Variants in APBA1 observed in about 807,000 individuals in gnomAD.
APBA1 encodes amyloid beta precursor protein binding family A member 1.
A neutral mutation model predicts 86.6 loss-of-function variants in APBA1; 55 were observed. The observed-to-expected ratio is 0.64, with a 90% CI of 0.51 to 0.80. The LOEUF (loss-of-function observed/expected upper bound fraction) is 0.80. Among genes scored for constraint, APBA1 ranks in the 30% least tolerant of loss-of-function variants. The pLI, the probability that APBA1 is intolerant of heterozygous loss-of-function variation, is 0.00. For synonymous variants in APBA1, 511 were observed against 493.9 expected, an observed-to-expected ratio of 1.03 and a Z score of -0.46; for missense variants, 1,090 against 1,183.0, an observed-to-expected ratio of 0.92 and a Z score of 1.15.
rs1323972749 is a variant in APBA1, at chr9:69,430,595, TTATC to T, written c.*728_*731del. On this transcript the variant is annotated 3_prime_UTR_variant, in exon 13 of 13. Transcript: ENST00000265381. ...AGAAGCAGACAGTACCTGCCTGTGT[TTATC>T]TAATGGTTGATAACTTGAGGACAAC... The T allele has an allele frequency of 6.6e-6, 1 of 152,184 alleles. No homozygotes were observed. The highest frequency in any genetic ancestry group is 1.5e-5 in the Non-Finnish European group (1 of 68,098). The allele number at this position is 152,184 out of a possible 1,614,324, so 9.4% of individuals were successfully genotyped here.
At chr9:69,523,846 T>C (rs1238987244) in intron 1 of APBA1, among the ~76,000 whole-genome samples, 2 of 151,934 alleles carry the variant, frequency 1.3e-5, no homozygotes, top group Non-Finnish European at 2.9e-5. Context: ...CAAGTCTCCA[T>C]GAATTCAAAA....
At chr9:69,608,674 C>G (rs1822523652) in intron 1 of APBA1, among the ~76,000 whole-genome samples, 1 of 152,154 alleles carries the variant, frequency 6.6e-6, no homozygotes, top group Non-Finnish European at 1.5e-5. Context: ...CCCCTTCTCC[C>G]TCGAAGTGGT....
chr9:69,615,793 A>C (rs758192835), intron 1 of APBA1, among the ~76,000 whole-genome samples: 10 of 152,234 alleles, frequency 6.6e-5, no homozygotes, highest in Non-Finnish European at 1.5e-4. Context: ...TATTAAAAAC[A>C]GAAGCTGCTC....
intron 1 of APBA1, among the ~76,000 whole-genome samples, chr9:69,586,718 T>C (rs1422279868): frequency 6.6e-6 from 1 of 152,172 alleles, no homozygotes; most frequent in Non-Finnish European, 1.5e-5. Context: ...TTCCAGATCA[T>C]CCTCTCCTTG....
intron 2 of APBA1, among the ~76,000 whole-genome samples, chr9:69,491,034 G>A (rs1835700995): frequency 6.6e-6 from 1 of 152,106 alleles, no homozygotes; most frequent in African/African-American, 2.4e-5. Context: ...AACCATTGTG[G>A]AAGTCAGTGT....
chr9:69,431,283 C>G lies in APBA1; in HGVS notation c.*44G>C. ...GGATGCAGCACGAGAAACACAACCA[C>G]GAAGAGGAGAGTCCTCCATGCATGC... On this transcript the variant is annotated 3_prime_UTR_variant, in exon 13 of 13. Coordinates refer to ENST00000265381, the MANE Select transcript of APBA1 (RefSeq NM_001163.4). The G allele has an allele frequency of 6.7e-7, 1 of 1,493,330 alleles. No individual in the cohort carries two copies. Among genetic ancestry groups the G allele is most frequent in the South Asian group, 1.3e-5 (1 of 77,188 alleles). The allele number at this position is 1,493,330 out of a possible 1,614,324, so 92.5% of individuals were successfully genotyped here.
rs182212125 is a variant in APBA1, at chr9:69,611,997, G to T, written c.-70+60156C>A. Reference sequence around the variant, plus strand: ...TTCAGAATTGTTGGCATCCACTTTTGTCTGGTTTTGCTAATCAGATGGGAT... The same window carrying T: ...TTCAGAATTGTTGGCATCCACTTTTTTCTGGTTTTGCTAATCAGATGGGAT... On this transcript the variant is annotated intron_variant, in intron 1 of 12. Coordinates refer to ENST00000265381, the MANE Select transcript of APBA1 (RefSeq NM_001163.4). Among the ~76,000 whole-genome samples the T allele has an allele frequency of 9.9e-5, 15 of 152,176 alleles. No homozygotes were observed. In the East Asian group the frequency reaches 2.7e-3, roughly 27 times the overall value.
intron 1 of APBA1, among the ~76,000 whole-genome samples, chr9:69,543,718 G>C (rs902670731): frequency 2.0e-5 from 3 of 152,082 alleles, no homozygotes; most frequent in Non-Finnish European, 4.4e-5. Flanking sequence ...ACTTTCCCAG[G>C]GTCACAAAGC....
At chr9:69,442,579 C>T (rs750369253) in intron 10 of APBA1, among the ~76,000 whole-genome samples, 4 of 152,178 alleles carry the variant, frequency 2.6e-5, no homozygotes, top group Admixed American at 1.3e-4. Flanking sequence ...CCCACAGTAT[C>T]GCTCAGAGAC....
chr9:69,549,781 T>C (rs1187338900), intron 1 of APBA1, among the ~76,000 whole-genome samples: 2 of 152,194 alleles, frequency 1.3e-5, no homozygotes, highest in Non-Finnish European at 2.9e-5. Flanking sequence ...TACTTTGAGG[T>C]GGATAGAAAC....
intron 2 of APBA1, among the ~76,000 whole-genome samples, chr9:69,498,875 A>AT (rs1254907866): frequency 1.3e-5 from 2 of 152,140 alleles, no homozygotes; most frequent in African/African-American, 2.4e-5. Context: ...AGAAACAGCT[A>AT]TGACAGCTCA....
intron 10 of APBA1, among the ~76,000 whole-genome samples, chr9:69,442,654 G>C (rs182672519): frequency 6.6e-6 from 1 of 152,318 alleles, no homozygotes; most frequent in African/African-American, 2.4e-5. Flanking sequence ...AGTGGAAAGA[G>C]GACCTGTAAA....
At chr9:69,468,777 A>G (rs1835320651) in intron 4 of APBA1, among the ~76,000 whole-genome samples, 1 of 152,278 alleles carries the variant, frequency 6.6e-6, no homozygotes, top group African/African-American at 2.4e-5. Context: ...ACTCGAAATT[A>G]AAACGTGTCT....
At chr9:69,644,306 A>G (rs543610761) in intron 1 of APBA1, among the ~76,000 whole-genome samples, 2 of 152,266 alleles carry the variant, frequency 1.3e-5, no homozygotes, top group Admixed American at 1.3e-4. Flanking sequence ...CCTGTTTTAC[A>G]TGTCTACTAA....
chr9:69,605,758 G>A (rs114043788), intron 1 of APBA1, among the ~76,000 whole-genome samples: 6 of 152,174 alleles, frequency 3.9e-5, no homozygotes, highest in Non-Finnish European at 8.8e-5. Flanking sequence ...TCCAGAACAC[G>A]CTTACATTAA....
chr9:69,534,382 A>G (rs1719278688), intron 1 of APBA1, among the ~76,000 whole-genome samples: 1 of 152,184 alleles, frequency 6.6e-6, no homozygotes, highest in Non-Finnish European at 1.5e-5. Flanking sequence ...TGAGGATGTC[A>G]TTTCTGAGCT....
chr9:69,452,087 C>A (rs761724871), intron 9 of APBA1, 35 bp downstream of exon 9: 4 of 1,600,992 alleles, frequency 2.5e-6, no homozygotes, highest in East Asian at 2.2e-5. Context: ...GCCCAGCTGA[C>A]CCAGCCTGGA....
chr9:69,562,824 T>C (rs937523872), intron 1 of APBA1, among the ~76,000 whole-genome samples: 2 of 152,152 alleles, frequency 1.3e-5, no homozygotes, highest in South Asian at 2.1e-4. Flanking sequence ...GGCTTAACAA[T>C]ACAATACAAT....
intron 1 of APBA1, among the ~76,000 whole-genome samples, chr9:69,668,815 C>T (rs1823890700): frequency 6.6e-6 from 1 of 152,148 alleles, no homozygotes; most frequent in African/African-American, 2.4e-5. Context: ...CTGTTCCTCC[C>T]CCAAGCATGC....
Sources: gnomAD v4.1 joint callset for allele counts (sites outside exome capture counted in the v4.1 genomes callset) on GRCh38, gnomAD v4.1.1 for gene constraint, MANE v1.5 for transcripts, NCBI Gene and HGNC (gene_info 2026-07-23, HGNC 2026-07-21) for gene names.